NCOA1: variants seen among roughly 807,000 people sequenced by gnomAD.
NCOA1 encodes nuclear receptor coactivator 1.
In NCOA1, 35 loss-of-function variants were observed where a neutral mutation model predicts 150.9. The ratio of observed to expected loss-of-function variants is 0.23; its 90% CI spans 0.18 to 0.31. NCOA1 has a LOEUF of 0.31. Among genes scored for constraint, NCOA1 ranks in the 10% least tolerant of loss-of-function variants. The pLI, the probability that NCOA1 is intolerant of heterozygous loss-of-function variation, is 1.00. For missense variants in NCOA1, 1,491 were observed against 1,749.3 expected (o/e 0.85, Z 2.63); for synonymous variants, 590 against 630.0 (o/e 0.94, Z 0.95).
At chr2:24,592,699 T>G (rs1450881708) in intron 3 of NCOA1, among the ~76,000 whole-genome samples, 1 of 151,446 alleles carries the variant, frequency 6.6e-6, no homozygotes, top group African/African-American at 2.4e-5. Flanking sequence ...CAGAGTGATC[T>G]AGATAAAAGC....
chr2:24,492,468 C>T (rs1663017008), intron 1 of NCOA1, among the ~76,000 whole-genome samples: 1 of 152,194 alleles, frequency 6.6e-6, no homozygotes, highest in African/African-American at 2.4e-5. Context: ...TGGGTAGACA[C>T]TGCCCAGTCT....
chr2:24,615,480 C>T (rs532599102), intron 3 of NCOA1, among the ~76,000 whole-genome samples: 1 of 152,292 alleles, frequency 6.6e-6, no homozygotes, highest in South Asian at 2.1e-4. Flanking sequence ...AAGGAATCCT[C>T]TAAGAAGTTA....
At chr2:24,504,564 G>A (rs1663612136) in intron 1 of NCOA1, among the ~76,000 whole-genome samples, 1 of 152,202 alleles carries the variant, frequency 6.6e-6, no homozygotes, top group Non-Finnish European at 1.5e-5. Flanking sequence ...TTGCTTTTAT[G>A]TGTCAACCTA....
chr2:24,717,926 T>G (rs569286923), intron 14 of NCOA1, among the ~76,000 whole-genome samples: 61 of 143,750 alleles, frequency 4.2e-4, no homozygotes, highest in Non-Finnish European at 3.2e-4. Flanking sequence ...TTTTTTTGAG[T>G]CTCTCTGTTG....
intron 18 of NCOA1, among the ~76,000 whole-genome samples, chr2:24,740,699 C>A (rs781514471): frequency 6.6e-6 from 1 of 152,126 alleles, no homozygotes; most frequent in Non-Finnish European, 1.5e-5. Flanking sequence ...CTCTGTCTTA[C>A]AAATTATAAA....
chr2:24,540,123 C>T (rs1435726504), intron 1 of NCOA1, among the ~76,000 whole-genome samples: 1 of 152,104 alleles, frequency 6.6e-6, no homozygotes, highest in East Asian at 1.9e-4. Flanking sequence ...CAAAAGCCTA[C>T]AGAGTGTAAC....
chr2:24,600,090 T>C (rs1202871871), intron 3 of NCOA1, among the ~76,000 whole-genome samples: 1 of 152,208 alleles, frequency 6.6e-6, no homozygotes, highest in Non-Finnish European at 1.5e-5. Flanking sequence ...AGCTTCACTT[T>C]TATAAAATCC....
chr2:24,601,724 C>T (rs1262304704), intron 3 of NCOA1, among the ~76,000 whole-genome samples: 1 of 152,076 alleles, frequency 6.6e-6, no homozygotes, highest in Admixed American at 6.5e-5. Context: ...CCTCCGCCTC[C>T]TGGGTTCAAG....
intron 3 of NCOA1, among the ~76,000 whole-genome samples, chr2:24,639,966 A>G (rs1670128479): frequency 8.7e-6 from 1 of 114,982 alleles, no homozygotes; most frequent in Admixed American, 9.4e-5. Flanking sequence ...ATATATATAT[A>G]TATATTCAGA....
chr2:24,584,366 TAAG>T (rs1667315411), intron 2 of NCOA1, 107 bp from the exon 3 acceptor site: 1 of 152,158 alleles, frequency 6.6e-6, no homozygotes, highest in Admixed American at 6.5e-5. Flanking sequence ...TTAAATATAT[TAAG>T]TTTATTTACT....
chr2:24,607,649 T>C (rs1359983805), intron 3 of NCOA1, among the ~76,000 whole-genome samples: 1 of 151,474 alleles, frequency 6.6e-6, no homozygotes. Context: ...AAAATAGTGC[T>C]ACTGCACTCC....
At chr2:24,746,378 A>G (rs1281822886) in intron 19 of NCOA1, among the ~76,000 whole-genome samples, 1 of 152,052 alleles carries the variant, frequency 6.6e-6, no homozygotes, top group Non-Finnish European at 1.5e-5. Flanking sequence ...CTCCATCTCT[A>G]CTAAAAATAC....
chr2:24,731,571 TAAGA>T (rs984937631), intron 17 of NCOA1, among the ~76,000 whole-genome samples: 5 of 151,934 alleles, frequency 3.3e-5, no homozygotes, highest in Admixed American at 1.3e-4. Context: ...AAAGGAGAAC[TAAGA>T]AAGGGAAATT....
intron 17 of NCOA1, among the ~76,000 whole-genome samples, chr2:24,736,567 A>C (rs1663315545): frequency 6.6e-6 from 1 of 152,182 alleles, no homozygotes; most frequent in African/African-American, 2.4e-5. Context: ...AAAAGAGAGA[A>C]ACATTTTACC....
intron 14 of NCOA1, among the ~76,000 whole-genome samples, chr2:24,724,303 A>T (rs1160132136): frequency 6.6e-6 from 1 of 152,168 alleles, no homozygotes; most frequent in Non-Finnish European, 1.5e-5. Context: ...ATACTTACTC[A>T]TGTTTGTGTC....
chr2:24,497,986 A>G (rs1454392542), intron 1 of NCOA1, among the ~76,000 whole-genome samples: 5 of 152,222 alleles, frequency 3.3e-5, no homozygotes, highest in African/African-American at 1.2e-4. Context: ...ATTATCAAGC[A>G]TAGATTTGAT....
intron 4 of NCOA1, among the ~76,000 whole-genome samples, chr2:24,652,224 G>C (rs1230768250): frequency 6.6e-6 from 1 of 151,980 alleles, no homozygotes; most frequent in Non-Finnish European, 1.5e-5. Flanking sequence ...AAATCCTGAA[G>C]TCCCTATCCT....
intron 3 of NCOA1, among the ~76,000 whole-genome samples, chr2:24,617,536 C>T (rs1244749163): frequency 1.3e-5 from 2 of 152,116 alleles, no homozygotes; most frequent in Non-Finnish European, 2.9e-5. Flanking sequence ...GTTAGTGATT[C>T]CAGAATCCTT....
chr2:24,550,879 C>T (rs528937619), intron 1 of NCOA1, among the ~76,000 whole-genome samples: 3 of 152,234 alleles, frequency 2.0e-5, no homozygotes, highest in South Asian at 2.1e-4. Context: ...GAGGCCAAGG[C>T]GGGTGGATCA....
Sources: gnomAD v4.1 joint callset for allele counts (sites outside exome capture counted in the v4.1 genomes callset) on GRCh38, gnomAD v4.1.1 for gene constraint, MANE v1.5 for transcripts, NCBI Gene and HGNC (gene_info 2026-07-23, HGNC 2026-07-21) for gene names.